CEP63: variants seen among roughly 807,000 people sequenced by gnomAD.
CEP63 encodes the protein centrosomal protein of 63 kDa.
A neutral mutation model predicts 89.1 loss-of-function variants in CEP63; 84 were observed. The ratio of observed to expected loss-of-function variants is 0.94; its 90% CI spans 0.79 to 1.13. CEP63 has a LOEUF of 1.13. CEP63 is among the 50% of genes most tolerant of loss of function. The pLI is 0.00. For synonymous variants in CEP63, 267 were observed against 272.5 expected, an observed-to-expected ratio of 0.98 and a Z score of 0.20; for missense variants, 838 against 813.3, an observed-to-expected ratio of 1.03 and a Z score of -0.37.
At chr3:134,601,114 AT>A in the CEP63 span, 3 of 152,172 alleles carry the variant, frequency 2.0e-5, no homozygotes, top group South Asian at 6.2e-4. Flanking sequence ...GCAACTCCGA[AT>A]GTCTACCCTG....
At chr3:134,773,127 G>T in the CEP63 span, among the ~76,000 whole-genome samples, 367 of 152,332 alleles carry the variant, frequency 2.4e-3, 1 homozygote, top group African/African-American at 8.5e-3. Context: ...GCAGGGCAGA[G>T]ATCACAGGCT....
At chr3:134,733,901 T>G in the CEP63 span, among the ~76,000 whole-genome samples, 1 of 151,308 alleles carries the variant, frequency 6.6e-6, no homozygotes, top group Non-Finnish European at 1.5e-5. Context: ...TAATAAACCA[T>G]ATAAAGCTCA....
chr3:134,498,829 T>C (rs920490140), intron 2 of CEP63, among the ~76,000 whole-genome samples: 3 of 152,258 alleles, frequency 2.0e-5, no homozygotes, highest in African/African-American at 7.2e-5. Context: ...TCTTTCATTC[T>C]GTTGATGTGA....
intron 3 of CEP63, among the ~76,000 whole-genome samples, chr3:134,511,639 T>A (rs1272829723): frequency 6.6e-6 from 1 of 152,146 alleles, no homozygotes; most frequent in East Asian, 1.9e-4. Flanking sequence ...GCATGGCTGG[T>A]GAGGCCTCAG....
chr3:134,565,562 T>G (rs1331384999), downstream of CEP63, among the ~76,000 whole-genome samples: 1 of 152,142 alleles, frequency 6.6e-6, no homozygotes, highest in Non-Finnish European at 1.5e-5. Context: ...TGTGTCAGCT[T>G]GTCCCAAAAC....
the CEP63 span, among the ~76,000 whole-genome samples, chr3:134,743,838 G>C: frequency 1.2e-4 from 18 of 152,134 alleles, no homozygotes; most frequent in Non-Finnish European, 2.2e-4. Context: ...TCCAACCCTA[G>C]TACAGAAAGT....
chr3:134,757,846 C>G, the CEP63 span, among the ~76,000 whole-genome samples: 1 of 151,904 alleles, frequency 6.6e-6, no homozygotes, highest in Non-Finnish European at 1.5e-5. Context: ...TAGGGAGGAG[C>G]AAAGTTCTGA....
chr3:134,678,448 G>A, the CEP63 span, among the ~76,000 whole-genome samples: 1 of 152,108 alleles, frequency 6.6e-6, no homozygotes, highest in African/African-American at 2.4e-5. Flanking sequence ...GTGTGCTTCT[G>A]GAAGGAAAGG....
the CEP63 span, among the ~76,000 whole-genome samples, chr3:134,668,769 C>CA: frequency 6.6e-6 from 1 of 151,684 alleles, no homozygotes; most frequent in Non-Finnish European, 1.5e-5. Flanking sequence ...CCATTTTTCA[C>CA]TTTCCATTTT....
the CEP63 span, among the ~76,000 whole-genome samples, chr3:134,686,141 C>T: frequency 2.6e-5 from 4 of 152,134 alleles, no homozygotes; most frequent in African/African-American, 9.7e-5. Context: ...TGGCACAGTA[C>T]CTGGCACTGG....
the CEP63 span, among the ~76,000 whole-genome samples, chr3:134,728,317 T>G: frequency 2.2e-4 from 33 of 152,282 alleles, no homozygotes; most frequent in Admixed American, 4.6e-4. Context: ...AACTTTAGAT[T>G]TTTTTCCTAA....
At chr3:134,727,522 TG>T in the CEP63 span, among the ~76,000 whole-genome samples, 1 of 152,132 alleles carries the variant, frequency 6.6e-6, no homozygotes, top group Non-Finnish European at 1.5e-5. Context: ...TACGTGCAAG[TG>T]GGCTGAAGAA....
the CEP63 span, among the ~76,000 whole-genome samples, chr3:134,647,956 C>A: frequency 1.3e-5 from 2 of 152,186 alleles, no homozygotes; most frequent in African/African-American, 4.8e-5. Flanking sequence ...GTTCTCTTGG[C>A]CTCCCTTGCA....
At chr3:134,681,775 G>A in the CEP63 span, among the ~76,000 whole-genome samples, 1 of 152,210 alleles carries the variant, frequency 6.6e-6, no homozygotes, top group African/African-American at 2.4e-5. Flanking sequence ...TTGTTGTTGT[G>A]GCAGGCATTT....
At chr3:134,504,930 T>C (rs988853075) in intron 2 of CEP63, among the ~76,000 whole-genome samples, 4 of 152,220 alleles carry the variant, frequency 2.6e-5, no homozygotes, top group Non-Finnish European at 4.4e-5. Flanking sequence ...AAATTTCATT[T>C]ATTGAATTCT....
At chr3:134,599,978 G>A in the CEP63 span, among the ~76,000 whole-genome samples, 234 of 152,240 alleles carry the variant, frequency 1.5e-3, no homozygotes, top group Non-Finnish European at 2.5e-3. Flanking sequence ...ACAACATGGA[G>A]AAAGCATACT....
At chr3:134,721,648 T>A in the CEP63 span, among the ~76,000 whole-genome samples, 1 of 152,270 alleles carries the variant, frequency 6.6e-6, no homozygotes, top group Middle Eastern at 3.4e-3. Context: ...AATTCCCTTA[T>A]GTTTCTAGTT....
chr3:134,492,123 G>T (rs1426678616), intron 1 of CEP63, among the ~76,000 whole-genome samples: 1 of 141,974 alleles, frequency 7.0e-6, no homozygotes, highest in Non-Finnish European at 1.5e-5. Context: ...GCCCAGGCTG[G>T]AGTGCAGTGG....
the CEP63 span, among the ~76,000 whole-genome samples, chr3:134,618,210 G>C: frequency 6.6e-6 from 1 of 152,136 alleles, no homozygotes; most frequent in Non-Finnish European, 1.5e-5. Flanking sequence ...CACAACAGGG[G>C]GTTTGGGCCA....
Sources: gnomAD v4.1 joint callset for allele counts (sites outside exome capture counted in the v4.1 genomes callset) on GRCh38, gnomAD v4.1.1 for gene constraint, MANE v1.5 for transcripts, NCBI Gene and HGNC (gene_info 2026-07-23, HGNC 2026-07-21) for gene names.